CAMK2D: variants seen among roughly 807,000 people sequenced by gnomAD.
The protein encoded by CAMK2D is calcium/calmodulin dependent protein kinase II delta.
Under a neutral mutation model 84.0 loss-of-function variants are expected in CAMK2D, and 37 were observed. The observed-to-expected ratio is 0.44, with a 90% CI of 0.34 to 0.58. CAMK2D has a LOEUF of 0.58. Ranked by LOEUF, CAMK2D falls within the 20% of genes least tolerant of loss-of-function variation. CAMK2D has a pLI of 0.02. For missense variants in CAMK2D, 448 were observed against 652.5 expected, an observed-to-expected ratio of 0.69 and a Z score of 3.41; for synonymous variants, 202 against 212.5, an observed-to-expected ratio of 0.95 and a Z score of 0.43.
At chr4:113,489,131 A>G (rs763782493) in intron 16 of CAMK2D, among the ~76,000 whole-genome samples, 1 of 151,508 alleles carries the variant, frequency 6.6e-6, no homozygotes, top group Non-Finnish European at 1.5e-5. Context: ...ATATGCGGAC[A>G]GTAATTTTTC....
At chr4:113,719,812 C>T (rs764022371) in intron 2 of CAMK2D, among the ~76,000 whole-genome samples, 2 of 152,084 alleles carry the variant, frequency 1.3e-5, no homozygotes, top group Admixed American at 6.6e-5. Context: ...AGTACCTACT[C>T]AAAGCGCTGA....
chr4:113,490,121 T>C (rs1161585495), intron 16 of CAMK2D, among the ~76,000 whole-genome samples: 1 of 148,730 alleles, frequency 6.7e-6, no homozygotes, highest in Non-Finnish European at 1.5e-5. Flanking sequence ...TAGTTTCTTT[T>C]GCTGTGCAGA....
chr4:113,559,154 G>T (rs1053688760), intron 4 of CAMK2D, among the ~76,000 whole-genome samples: 3 of 151,412 alleles, frequency 2.0e-5, no homozygotes, highest in Non-Finnish European at 2.9e-5. Flanking sequence ...ACATTCTAAA[G>T]ATAACAAGAA....
intron 4 of CAMK2D, among the ~76,000 whole-genome samples, chr4:113,580,300 A>G (rs1209588775): frequency 1.3e-5 from 2 of 152,206 alleles, no homozygotes; most frequent in Admixed American, 1.3e-4. Flanking sequence ...AGTGTTCTCA[A>G]ATACATAGTT....
intron 2 of CAMK2D, among the ~76,000 whole-genome samples, chr4:113,676,681 G>GGCATATAGGAAGCAAGAC (rs1561772379): frequency 6.6e-6 from 1 of 152,196 alleles, no homozygotes; most frequent in African/African-American, 2.4e-5. Context: ...CAGGAACACT[G>GGCATATAGGAAGCAAGAC]AAAGGTCCTC....
chr4:113,458,571 T>C (rs766950791), intron 18 of CAMK2D, among the ~76,000 whole-genome samples: 1 of 152,204 alleles, frequency 6.6e-6, no homozygotes, highest in Non-Finnish European at 1.5e-5. Flanking sequence ...AGGGATCAGA[T>C]GGTGTCGATA....
chr4:113,573,848 A>G (rs1280929939), intron 4 of CAMK2D, among the ~76,000 whole-genome samples: 4 of 151,568 alleles, frequency 2.6e-5, no homozygotes, highest in Non-Finnish European at 5.9e-5. Flanking sequence ...TGACTCCCCC[A>G]CCTTTTGCCT....
intron 2 of CAMK2D, among the ~76,000 whole-genome samples, chr4:113,716,476 C>A (rs2099513697): frequency 6.6e-6 from 1 of 151,856 alleles, no homozygotes; most frequent in African/African-American, 2.4e-5. Context: ...ATGGCAAAAC[C>A]CCTGTCTCTA....
At chr4:113,678,909 A>G (rs1445807927) in intron 2 of CAMK2D, among the ~76,000 whole-genome samples, 1 of 152,204 alleles carries the variant, frequency 6.6e-6, no homozygotes, top group African/African-American at 2.4e-5. Flanking sequence ...CACACAGATC[A>G]AGAAACAGAT....
chr4:113,507,596 C>T (rs2098146234), intron 13 of CAMK2D, among the ~76,000 whole-genome samples: 1 of 150,734 alleles, frequency 6.6e-6, no homozygotes, highest in Admixed American at 6.6e-5. Flanking sequence ...AATACAAAAA[C>T]TCTGGCACTT....
At position 113,490,683 on chromosome 4, in the gene CAMK2D, G is replaced by T. The variant is rs531642214; in HGVS notation, c.1135+9780C>A. 4.6e-5 allele frequency among the ~76,000 whole-genome samples: 7 copies of T among 151,422 alleles called. No individual in the cohort carries two copies. In the East Asian group the frequency reaches 1.2e-3, roughly 25 times the overall value. On this transcript the variant is annotated intron_variant, in intron 16 of 20. Coordinates refer to ENST00000511664, the MANE Select transcript of CAMK2D (RefSeq NM_001321571.2). ...GTTTTTTCCAATTCTGTGAAGAAAG[G>T]CATTGGTAGCTTCATGAGGATGGCA...
At chr4:113,721,653 C>G (rs905410933) in intron 2 of CAMK2D, among the ~76,000 whole-genome samples, 15 of 152,152 alleles carry the variant, frequency 9.9e-5, no homozygotes, top group Admixed American at 2.0e-4. Flanking sequence ...GATACACAAG[C>G]CTCTTCAGAG....
chr4:113,585,673 GTA>G (rs3064557), intron 4 of CAMK2D, among the ~76,000 whole-genome samples: 105,634 of 150,442 alleles, frequency 0.7, 37,250 homozygotes, highest in Middle Eastern at 0.74. Context: ...GTATAGATTA[GTA>G]TATATATAGT....
rs1004324899 is a variant in CAMK2D, at chr4:113,743,080, G to T, written c.160+16240C>A. 3.3e-5 allele frequency among the ~76,000 whole-genome samples: 5 copies of T among 152,214 alleles called. No homozygotes were observed. The East Asian group carries it at 9.7e-4, about 29-fold the overall frequency. On this transcript the variant is annotated intron_variant, in intron 2 of 20. Transcript: ENST00000511664. ...AATATGTTACTGAACATTCCAAAAT[G>T]ACATCATTCTGGCCGTTATTCCTAG... is the stretch of plus-strand genomic sequence containing the variant.
At chr4:113,742,770 A>T (rs1459290852) in intron 2 of CAMK2D, among the ~76,000 whole-genome samples, 1 of 152,232 alleles carries the variant, frequency 6.6e-6, no homozygotes, top group Non-Finnish European at 1.5e-5. Context: ...CACAAGAAAT[A>T]GAATATTCAT....
chr4:113,550,979 C>A (rs1441261575), intron 5 of CAMK2D, among the ~76,000 whole-genome samples: 2 of 152,084 alleles, frequency 1.3e-5, no homozygotes, highest in East Asian at 3.9e-4. Flanking sequence ...GGGCTGGGAA[C>A]CTTAATATCA....
At chr4:113,690,548 TTTA>T (rs1172538372) in intron 2 of CAMK2D, among the ~76,000 whole-genome samples, 1 of 152,136 alleles carries the variant, frequency 6.6e-6, no homozygotes, top group Non-Finnish European at 1.5e-5. Flanking sequence ...AATTATACAT[TTTA>T]TTATTATTAA....
chr4:113,557,269 CAT>C (rs944996891), intron 4 of CAMK2D, among the ~76,000 whole-genome samples: 28 of 152,190 alleles, frequency 1.8e-4, no homozygotes, highest in Admixed American at 1.6e-3. Flanking sequence ...AATTTTGTCA[CAT>C]GTCTGCATGA....
chr4:113,565,683 A>T (rs1221715445), intron 4 of CAMK2D, among the ~76,000 whole-genome samples: 1 of 151,992 alleles, frequency 6.6e-6, no homozygotes, highest in Non-Finnish European at 1.5e-5. Context: ...ACACAAAAAA[A>T]ACGAATAATT....
Sources: gnomAD v4.1 joint callset for allele counts (sites outside exome capture counted in the v4.1 genomes callset) on GRCh38, gnomAD v4.1.1 for gene constraint, MANE v1.5 for transcripts, NCBI Gene and HGNC (gene_info 2026-07-23, HGNC 2026-07-21) for gene names.